The following TM6SF2 variants were observed in gnomAD, a reference collection of about 807,000 sequenced individuals.
TM6SF2 encodes transmembrane 6 superfamily member 2.
In TM6SF2, 29 loss-of-function variants were observed where a neutral mutation model predicts 41.0. The ratio of observed to expected loss-of-function variants is 0.71; its 90% CI spans 0.53 to 0.96. The LOEUF (loss-of-function observed/expected upper bound fraction) is 0.96. TM6SF2 is among the 50% of genes least tolerant of loss of function. TM6SF2 has a pLI of 0.00. For synonymous variants in TM6SF2, 200 were observed against 209.1 expected (o/e 0.96, Z 0.37); for missense variants, 475 against 499.0 (o/e 0.95, Z 0.46).
At chr19:19,266,409 C>G in intron 9 of TM6SF2, 81 bp downstream of exon 9, 1 of 1,572,994 alleles carries the variant, frequency 6.4e-7, no homozygotes, top group Non-Finnish European at 8.7e-7. Flanking sequence ...TTACAGTGCC[C>G]AGGGAGGACA....
At chr19:19,272,755 T>G (rs1448640930) in intron 1 of TM6SF2, among the ~76,000 whole-genome samples, 1 of 150,506 alleles carries the variant, frequency 6.6e-6, no homozygotes, top group Non-Finnish European at 1.5e-5. Flanking sequence ...CCCGGGGCCT[T>G]ATCTGGGACA....
chr19:19,270,198 C>T lies in TM6SF2; in HGVS notation c.376G>A (p.Ala126Thr). 1 of 1,613,984 alleles carries T rather than the reference C, an allele frequency of 6.2e-7. No individual in the cohort carries two copies. The highest frequency in any genetic ancestry group is 8.5e-7 in the Non-Finnish European group (1 of 1,179,976). ...DGTVHYLLYL[A>T]MAGAICRRKR... ...CTTCTGCAGATGGCGCCGGCCATGG[C>T]CAGGTAGAGGAGGTAGTGAACAGTG... is the stretch of plus-strand genomic sequence containing the variant. The change falls in exon 4 of 10, where the codon GCC becomes ACC. Residue 126 changes from alanine to threonine, a missense_variant. By Grantham distance (58) the Ala-to-Thr change is moderately conservative (BLOSUM62 0). Coordinates refer to ENST00000389363, the MANE Select transcript of TM6SF2 (RefSeq NM_001001524.3).
intron 6 of TM6SF2, 68 bp downstream of exon 6, chr19:19,268,562 C>G: frequency 1.1e-5 from 17 of 1,502,024 alleles, no homozygotes; most frequent in African/African-American, 1.5e-5. Flanking sequence ...AGTCTTTGAC[C>G]AAAAGCAACT....
In TM6SF2 at chr19:19,268,639, G is replaced by A. The variant is rs748636134; in HGVS notation, c.600C>T (p.Thr200=). 1.1e-5 allele frequency: 17 copies of A among 1,582,044 alleles called. No individual in the cohort carries two copies. Among genetic ancestry groups the A allele is most frequent in the South Asian group, 5.8e-5 (5 of 86,120 alleles). ...FSQPRALTRC[T]ANMVQEEQRK... ...GGGGTAAGGCACTCACCATGTTGGCGGTGCAGCGGGTTAGCGCCCGGGGCT... is the reference window on the plus strand; with the variant it reads ...GGGGTAAGGCACTCACCATGTTGGCAGTGCAGCGGGTTAGCGCCCGGGGCT... Residue 200 remains threonine (T), a synonymous_variant, in exon 6 of 10, where the codon ACC becomes ACT. Coordinates refer to ENST00000389363, the MANE Select transcript of TM6SF2 (RefSeq NM_001001524.3).
chr19:19,272,717 G>GTT (rs2037634489), intron 1 of TM6SF2, among the ~76,000 whole-genome samples: 1 of 148,654 alleles, frequency 6.7e-6, no homozygotes, highest in Admixed American at 6.8e-5. Flanking sequence ...GTGTGTGTGT[G>GTT]TGTGTGTGTG....
intron 7 of TM6SF2, 34 bp downstream of exon 7, chr19:19,267,952 C>A: frequency 7.0e-7 from 1 of 1,430,534 alleles, no homozygotes. Flanking sequence ...AGACTGGTGG[C>A]AGGGGAGGGG....
At position 19,266,498 on chromosome 19, in the gene TM6SF2, T is replaced by C; in HGVS notation, c.916A>G (p.Ile306Val). Reference protein sequence around the residue: ...PDWALVFAGGIGQAQFSHMGA... With the variant: ...PDWALVFAGGVGQAQFSHMGA... Reference sequence around the variant, plus strand: ...CCCATCCGCCACCTCACCTGGCCGATGCCTCCAGCAAACACCAAGGCCCAG... The same window carrying C: ...CCCATCCGCCACCTCACCTGGCCGACGCCTCCAGCAAACACCAAGGCCCAG... The change falls in exon 9 of 10, where the codon ATC becomes GTC. Residue 306 changes from isoleucine to valine, a missense_variant. Physicochemically the swap from Ile to Val is conservative, Grantham distance 29. Transcript: ENST00000389363. 1 of 1,613,844 alleles carries C rather than the reference T, an allele frequency of 6.2e-7. No homozygotes were observed. The highest frequency in any genetic ancestry group is 8.5e-7 in the Non-Finnish European group (1 of 1,179,908).
intron 1 of TM6SF2, among the ~76,000 whole-genome samples, chr19:19,272,728 T>TGTGTGTGTGTGTGA (rs1555786937): frequency 3.9e-4 from 58 of 149,838 alleles, no homozygotes; most frequent in East Asian, 2.8e-3. Flanking sequence ...TGTGTGTGTG[T>TGTGTGTGTGTGTGA]GAGCAGGAGT....
At chr19:19,265,729 A>G (rs1318153054) in intron 9 of TM6SF2, among the ~76,000 whole-genome samples, 1 of 151,900 alleles carries the variant, frequency 6.6e-6, no homozygotes, top group Non-Finnish European at 1.5e-5. Flanking sequence ...TTCTGTCTGT[A>G]AAGATTCCTG....
intron 8 of TM6SF2, 169 bp from the exon 9 acceptor site, chr19:19,266,778 C>A (rs755952920): frequency 7.1e-5 from 53 of 751,028 alleles, no homozygotes; most frequent in Non-Finnish European, 1.0e-4. Context: ...ATCCTTGCCC[C>A]CAACCCCCGA....
In TM6SF2 at chr19:19,270,191, G is replaced by A. The variant is rs200162798; in HGVS notation, c.383C>T (p.Ala128Val). The A allele has an allele frequency of 4.3e-5, 70 of 1,613,964 alleles. No homozygotes were observed. The highest frequency in any genetic ancestry group is 5.6e-5 in the Non-Finnish European group (66 of 1,179,962). ...TVHYLLYLAMAGAICRRKRYR... is the reference protein window; with the variant it reads ...TVHYLLYLAMVGAICRRKRYR... ...CCTGCACCTTCTGCAGATGGCGCCG[G>A]CCATGGCCAGGTAGAGGAGGTAGTG... Residue 128 changes from alanine (A) to valine (V), a missense_variant, in exon 4 of 10, where the codon GCC becomes GTC. Around this residue, in one of 3 missense-constraint regions of TM6SF2, gnomAD observed 238 missense variants for 228.6 expected, o/e 1.04. Coordinates refer to ENST00000389363, the MANE Select transcript of TM6SF2 (RefSeq NM_001001524.3).
In TM6SF2 at chr19:19,267,967, C is replaced by A. The variant is rs762223286; in HGVS notation, c.711+19G>T. Reference sequence around the variant, plus strand: ...AGACTGGTGGCAGGGGAGGGGGAGACCAACCAGCGCAGACTCACCAGGCCC... The same window carrying A: ...AGACTGGTGGCAGGGGAGGGGGAGAACAACCAGCGCAGACTCACCAGGCCC... On this transcript the variant is annotated intron_variant, in intron 7 of 9. Transcript: ENST00000389363. The A allele has an allele frequency of 1.2e-6, 2 of 1,601,306 alleles. No individual in the cohort carries two copies. The highest frequency in any genetic ancestry group is 1.7e-6 in the Non-Finnish European group (2 of 1,169,788).
intron 9 of TM6SF2, 94 bp from the exon 10 acceptor site, chr19:19,264,967 C>G: frequency 7.5e-6 from 6 of 801,680 alleles, no homozygotes; most frequent in Non-Finnish European, 9.1e-6. Flanking sequence ...CAGGCAGAAC[C>G]CAGGGGATGC....
rs570464637 is a variant in TM6SF2, at chr19:19,268,407, T to C, written c.609+223A>G. On this transcript the variant is annotated intron_variant, in intron 6 of 9. Coordinates refer to ENST00000389363, the MANE Select transcript of TM6SF2 (RefSeq NM_001001524.3). ...TTTTTGTAGAGTTAAAAAATCTGGCTGTGTTGCCCAGGCTGGTCTCCAATT... is the reference window on the plus strand; with the variant it reads ...TTTTTGTAGAGTTAAAAAATCTGGCCGTGTTGCCCAGGCTGGTCTCCAATT... Among the ~76,000 whole-genome samples the C allele has an allele frequency of 6.6e-4, 100 of 152,224 alleles. 1 individual carries two copies. The highest frequency in any genetic ancestry group is 2.1e-3 in the African/African-American group (89 of 41,530).
rs779316134 is a variant in TM6SF2 at position 19,268,632 on chromosome 19, T to C, written c.607A>G (p.Met203Val). 3.8e-6 allele frequency: 6 copies of C among 1,581,498 alleles called. No homozygotes were observed. Among genetic ancestry groups the C allele is most frequent in the Non-Finnish European group, 4.3e-6 (5 of 1,169,778 alleles). ...PRALTRCTAN[M>V]VQEEQRKGLL... ...CCTAAGAGGGGTAAGGCACTCACCA[T>C]GTTGGCGGTGCAGCGGGTTAGCGCC... The change falls in exon 6 of 10, where the codon ATG becomes GTG. Residue 203 changes from methionine to valine, a missense_variant and splice_region_variant. Coordinates refer to ENST00000389363, the MANE Select transcript of TM6SF2 (RefSeq NM_001001524.3).
chr19:19,268,278 T>C lies in TM6SF2; in HGVS notation c.610-191A>G, dbSNP rs142207444. 5.5e-3 allele frequency among the ~76,000 whole-genome samples: 823 copies of C among 150,134 alleles called. 4 individuals carry two copies. The highest frequency in any genetic ancestry group is 0.019 in the African/African-American group (790 of 40,796). On this transcript the variant is annotated intron_variant, in intron 6 of 9. Coordinates refer to ENST00000389363, the MANE Select transcript of TM6SF2 (RefSeq NM_001001524.3). ...TTGAGTGAAGCAGCACAGTCTCAGC[T>C]CACTGCAGCCTTAATCTCCTGGGCT...
chr19:19,268,099 G>A lies in TM6SF2; in HGVS notation c.610-12C>T, dbSNP rs371973720. The A allele has an allele frequency of 3.5e-5, 56 of 1,601,080 alleles. No individual in the cohort carries two copies. In the African/African-American group the frequency reaches 7.2e-4, roughly 21 times the overall value. ...TGTTCCTCTTGCACCTGGCCCAGGG[G>A]AGAGAAACAGACAGCATGAGAGGTA... On this transcript the variant is annotated splice_polypyrimidine_tract_variant and intron_variant, in intron 6 of 9. Transcript: ENST00000389363.
At chr19:19,269,897 G>A in intron 4 of TM6SF2, 128 bp from the exon 5 acceptor site, 1 of 1,557,738 alleles carries the variant, frequency 6.4e-7, no homozygotes, top group Non-Finnish European at 8.7e-7. Flanking sequence ...GGATGGAAGG[G>A]ACAACAGGGA....
rs749356484 is a variant in TM6SF2, at chr19:19,273,129, C to T, written c.87G>A (p.Ala29=). ...PVSYALNHVS[A]LSHPLWVALM... ...CCCCTCTCCGCACGCACTGCGAGAG[C>T]GCCGAGACGTGGTTGAGCGCGTAGG... Residue 29 remains alanine, a synonymous_variant, in exon 1 of 10, where the codon GCG becomes GCA. Transcript: ENST00000389363. 3 of 1,465,340 alleles carry T rather than the reference C, an allele frequency of 2.0e-6. No homozygotes were observed. Among genetic ancestry groups the T allele is most frequent in the Non-Finnish European group, 2.7e-6 (3 of 1,112,096 alleles). The allele number at this position is 1,465,340 out of a possible 1,614,324, so 90.8% of individuals were successfully genotyped here.
Sources: gnomAD v4.1 joint callset for allele counts (sites outside exome capture counted in the v4.1 genomes callset) on GRCh38, gnomAD v4.1.1 for gene constraint, gnomAD v4.1.1 regional missense constraint, MANE v1.5 for transcripts, NCBI Gene and HGNC (gene_info 2026-07-23, HGNC 2026-07-21) for gene names.